The following DCAF1 variants were observed in gnomAD, a reference collection of about 807,000 sequenced individuals.
DCAF1 encodes DDB1 and CUL4 associated factor 1.
Under a neutral mutation model 128.0 loss-of-function variants are expected in DCAF1, and 15 were observed. The observed-to-expected ratio is 0.12, with a 90% CI of 0.08 to 0.18. DCAF1 has a LOEUF of 0.18. Among genes scored for constraint, DCAF1 ranks in the 10% least tolerant of loss-of-function variants. DCAF1 has a pLI of 1.00. For missense variants in DCAF1, 988 were observed against 1,649.5 expected (o/e 0.60, Z 6.95); for synonymous variants, 610 against 603.0 (o/e 1.01, Z -0.17).
chr3:51,486,815 G>C (rs1415003453), intron 2 of DCAF1, among the ~76,000 whole-genome samples: 1 of 151,664 alleles, frequency 6.6e-6, no homozygotes, highest in African/African-American at 2.4e-5. Context: ...TGTATTTTTA[G>C]TAGAGATAGA....
intron 3 of DCAF1, 121 bp from the exon 4 acceptor site, chr3:51,471,126 T>C (rs1223224754): frequency 1.9e-6 from 1 of 531,516 alleles, no homozygotes; most frequent in Non-Finnish European, 3.3e-6. Context: ...AGACTATTTC[T>C]TCTGATGTAC....
At chr3:51,462,099 C>A (rs1227263882) in intron 6 of DCAF1, among the ~76,000 whole-genome samples, 3 of 151,310 alleles carry the variant, frequency 2.0e-5, no homozygotes, top group Non-Finnish European at 3.0e-5. Flanking sequence ...AGAAAAAAAA[C>A]CACACAACAT....
intron 10 of DCAF1, among the ~76,000 whole-genome samples, chr3:51,432,154 C>T (rs1448964423): frequency 6.6e-5 from 10 of 151,366 alleles, no homozygotes; most frequent in African/African-American, 2.2e-4. Context: ...GCCTGTAATC[C>T]CAGCTACTTG....
chr3:51,462,965 A>T, intron 6 of DCAF1, 149 bp downstream of exon 6: 1 of 390,798 alleles, frequency 2.6e-6, no homozygotes, highest in Non-Finnish European at 4.4e-6. Context: ...TAATTTTATT[A>T]TTGCCTGTCA....
intron 23 of DCAF1, among the ~76,000 whole-genome samples, chr3:51,411,835 T>G (rs146803741): frequency 6.6e-6 from 1 of 151,690 alleles, no homozygotes; most frequent in East Asian, 1.9e-4. Context: ...CCAGGATGAG[T>G]GCGGTGGCTC....
chr3:51,420,539 C>G lies in DCAF1; in HGVS notation c.2431G>C (p.Glu811Gln). 3 of 1,613,874 alleles carry G rather than the reference C, an allele frequency of 1.9e-6. No homozygotes were observed. The highest frequency in any genetic ancestry group is 2.5e-6 in the Non-Finnish European group (3 of 1,179,866). Residue 811 changes from glutamate (E) to glutamine (Q), a missense_variant, in exon 15 of 25, where the codon GAA becomes CAA. Physicochemically the swap from Glu to Gln is conservative, Grantham distance 29 (BLOSUM62 2). Transcript: ENST00000684031. This position sits in a 1 kb window ranked among gnomAD's most constrained non-coding sequence, Gnocchi z 6.5. ...TTTCCTGACACCCGTTCAATGAGTTCAGCAGCATACTTGCAGAACTTGACA... is the reference window on the plus strand; with the variant it reads ...TTTCCTGACACCCGTTCAATGAGTTGAGCAGCATACTTGCAGAACTTGACA... ...DHVKFCKYAAELIERVSGKPL... is the reference protein window; with the variant it reads ...DHVKFCKYAAQLIERVSGKPL...
chr3:51,426,038 C>G (rs1464836992), intron 13 of DCAF1, among the ~76,000 whole-genome samples: 9 of 152,184 alleles, frequency 5.9e-5, no homozygotes, highest in African/African-American at 2.2e-4. Context: ...TTTCCTTTTG[C>G]ACTCTCATTC....
intron 9 of DCAF1, among the ~76,000 whole-genome samples, chr3:51,439,685 T>C (rs1217927854): frequency 5.9e-5 from 9 of 152,098 alleles, no homozygotes; most frequent in African/African-American, 1.4e-4. Context: ...ATACAATATG[T>C]ACATAGTTTA....
chr3:51,419,312 G>T (rs1207295253), intron 15 of DCAF1, among the ~76,000 whole-genome samples: 1 of 151,246 alleles, frequency 6.6e-6, no homozygotes, highest in Non-Finnish European at 1.5e-5. Context: ...AGTGAGCCAA[G>T]ATAGCACCAC....
At chr3:51,439,090 C>G (rs1701116053) in intron 9 of DCAF1, among the ~76,000 whole-genome samples, 1 of 152,122 alleles carries the variant, frequency 6.6e-6, no homozygotes, top group Non-Finnish European at 1.5e-5. Context: ...TACTTGCCCT[C>G]CTATGTTTAG....
Position 51,420,111 on chromosome 3 carries a change from C to T in DCAF1, c.2859G>A (p.Leu953=). ...PGPSYAGNSP[L]IGRISFIRER... ...CTCTGATAAAACTGATTCTACCAAT[C>T]AAAGGGGAGTTGCCTGCATAAGATG... Residue 953 remains leucine, a synonymous_variant, in exon 15 of 25, where the codon TTG becomes TTA. Coordinates refer to ENST00000684031, the MANE Select transcript of DCAF1 (RefSeq NM_001387579.1). The surrounding 1 kb of genome is among the most constrained non-coding windows in gnomAD (Gnocchi z 6.5). 6.2e-7 allele frequency: 1 copy of T among 1,613,984 alleles called. No homozygotes were observed. The highest frequency in any genetic ancestry group is 1.3e-5 in the African/African-American group (1 of 75,032).
At position 51,420,288 on chromosome 3, in the gene DCAF1, A is replaced by C; in HGVS notation, c.2682T>G (p.Ala894=). 6.2e-7 allele frequency: 1 copy of C among 1,614,016 alleles called. No individual in the cohort carries two copies. Among genetic ancestry groups the C allele is most frequent in the Non-Finnish European group, 8.5e-7 (1 of 1,179,900 alleles). The change falls in exon 15 of 25, where the codon GCT becomes GCG. Residue 894 remains alanine (A), a synonymous_variant. Coordinates refer to ENST00000684031, the MANE Select transcript of DCAF1 (RefSeq NM_001387579.1). This position sits in a 1 kb window ranked among gnomAD's most constrained non-coding sequence, Gnocchi z 6.5. The stretch of plus-strand genomic sequence containing the variant: ...GGGTTCGGGGTAGAGAGACAGGAGA[A>C]GCAGCAGCAGTGACTGGGGTAAAGG... The part of the protein sequence containing the change: ...SSAFTPVTAA[A]SPVSLPRTPR...
intron 24 of DCAF1, 98 bp downstream of exon 24, chr3:51,403,045 G>A (rs1559468212): frequency 3.3e-6 from 5 of 1,495,518 alleles, no homozygotes; most frequent in Non-Finnish European, 3.6e-6. Context: ...ATGGGGCACA[G>A]AACCGTGGTA....
At chr3:51,430,680 T>A (rs1233776474) in intron 10 of DCAF1, among the ~76,000 whole-genome samples, 1 of 152,232 alleles carries the variant, frequency 6.6e-6, no homozygotes, top group Non-Finnish European at 1.5e-5. Context: ...TCCCCAGGTT[T>A]CCTTGATATT....
intron 6 of DCAF1, 21 bp downstream of exon 6, chr3:51,463,093 A>T (rs782462576): frequency 5.3e-6 from 8 of 1,495,644 alleles, no homozygotes; most frequent in Non-Finnish European, 7.3e-6. Context: ...TAAAATTATG[A>T]CTTTACTTTT....
chr3:51,501,567 G>C (rs782253484), upstream of DCAF1, among the ~76,000 whole-genome samples: 8 of 152,122 alleles, frequency 5.3e-5, no homozygotes, highest in Non-Finnish European at 2.9e-5. Flanking sequence ...CTATGCTCAG[G>C]CTCGACAGCT....
intron 13 of DCAF1, among the ~76,000 whole-genome samples, chr3:51,424,893 A>G (rs2107460627): frequency 6.6e-6 from 1 of 152,332 alleles, no homozygotes; most frequent in East Asian, 1.9e-4. Flanking sequence ...GGAGGCAGAA[A>G]AAGAACTGAG....
At chr3:51,476,791 C>A (rs535526767) in intron 3 of DCAF1, among the ~76,000 whole-genome samples, 129 of 152,098 alleles carry the variant, frequency 8.5e-4, no homozygotes, top group Non-Finnish European at 1.5e-3. Flanking sequence ...GGCAGAATAG[C>A]GTGAACCCGG....
chr3:51,449,396 G>A (rs1171083828), intron 6 of DCAF1, among the ~76,000 whole-genome samples: 1 of 151,982 alleles, frequency 6.6e-6, no homozygotes, highest in Non-Finnish European at 1.5e-5. Context: ...TAGTAGAGAT[G>A]GGGTTTCACC....
Sources: gnomAD v4.1 joint callset for allele counts (sites outside exome capture counted in the v4.1 genomes callset) on GRCh38, gnomAD v4.1.1 for gene constraint, Gnocchi (gnomAD v3.1) non-coding constraint, MANE v1.5 for transcripts, NCBI Gene and HGNC (gene_info 2026-07-23, HGNC 2026-07-21) for gene names.